The following IARS2 variants were observed in gnomAD, a reference collection of about 807,000 sequenced individuals.
The protein encoded by IARS2 is isoleucine--tRNA ligase, mitochondrial.
IARS2 carries 56 observed loss-of-function variants against 126.3 expected under a neutral mutation model. That is an observed-to-expected ratio of 0.44 (90% confidence interval 0.36 to 0.55). IARS2 has a LOEUF of 0.55. Among genes scored for constraint, IARS2 ranks in the 20% least tolerant of loss-of-function variants. IARS2 has a pLI of 0.00. For synonymous variants in IARS2, 407 were observed against 441.1 expected, an observed-to-expected ratio of 0.92 and a Z score of 0.97; for missense variants, 1,127 against 1,245.9, an observed-to-expected ratio of 0.90 and a Z score of 1.44.
chr1:220,138,110 A>T, intron 17 of IARS2, 67 bp downstream of exon 17: 1 of 1,528,026 alleles, frequency 6.5e-7, no homozygotes, highest in Non-Finnish European at 9.0e-7. Context: ...AAAAAATGAG[A>T]CACATTTTGT....
chr1:220,139,034 G>C lies in IARS2; in HGVS notation c.2202G>C (p.Leu734Phe). ...TTAGGAATACACTTCGCTTTCTTTT[G>C]GGAAATGTGGCTGATTTCAACCCAG... is the stretch of plus-strand genomic sequence containing the variant. ...SKLRNTLRFLLGNVADFNPET... is the reference protein window; with the variant it reads ...SKLRNTLRFLFGNVADFNPET... Residue 734 changes from leucine (L) to phenylalanine (F), a missense_variant, in exon 18 of 23, where the codon TTG becomes TTC. Transcript: ENST00000366922. The C allele has an allele frequency of 6.2e-7, 1 of 1,613,288 alleles. No homozygotes were observed. Among genetic ancestry groups the C allele is most frequent in the Non-Finnish European group, 8.5e-7 (1 of 1,179,598 alleles).
chr1:220,142,572 T>C (rs1279660857), intron 20 of IARS2, among the ~76,000 whole-genome samples: 3 of 152,184 alleles, frequency 2.0e-5, no homozygotes, highest in Non-Finnish European at 4.4e-5. Flanking sequence ...TTTATGTTAG[T>C]TGTTTTCTTC....
rs564921799 is a variant in IARS2 at position 220,100,402 on chromosome 1, T to C, written c.391-88T>C. On this transcript the variant is annotated intron_variant, in intron 2 of 22. Transcript: ENST00000366922. ...GTAGGCCAAATATTTTATGTATGAA[T>C]GCTAATTATCATTTTATCTTTGCAG... 184 of 1,113,674 alleles carry C rather than the reference T, an allele frequency of 1.7e-4. 4 individuals are homozygous for C. The South Asian group carries it at 3.0e-3, about 18-fold the overall frequency. The allele number at this position is 1,113,674 out of a possible 1,614,324, so 69.0% of individuals were successfully genotyped here.
chr1:220,127,239 A>T (rs1657172241), intron 14 of IARS2, among the ~76,000 whole-genome samples: 1 of 152,218 alleles, frequency 6.6e-6, no homozygotes, highest in Non-Finnish European at 1.5e-5. Flanking sequence ...AAATTAGGTG[A>T]TGGTCACATA....
intron 15 of IARS2, among the ~76,000 whole-genome samples, chr1:220,136,277 A>G (rs1171620516): frequency 6.6e-6 from 1 of 152,106 alleles, no homozygotes; most frequent in Non-Finnish European, 1.5e-5. Context: ...GACTACTGGC[A>G]CACACCACTA....
chr1:220,106,614 C>CCTTTT lies in IARS2; in HGVS notation c.1237-431_1237-427dup, dbSNP rs1173706457. Among the ~76,000 whole-genome samples, 225 of 150,544 alleles carry CCTTTT rather than the reference C, an allele frequency of 1.5e-3. 1 individual carries two copies. The highest frequency in any genetic ancestry group is 5.2e-3 in the African/African-American group (215 of 41,172). On this transcript the variant is annotated intron_variant, in intron 9 of 22. Transcript: ENST00000366922. The stretch of plus-strand genomic sequence containing the variant: ...GTATAAAATTCACAAATTCCTATTT[C>CCTTTT]CTTTTCTTTTCTTTTCTTTTTTTTT...
intron 1 of IARS2, among the ~76,000 whole-genome samples, chr1:220,094,838 C>T (rs979628967): frequency 6.6e-6 from 1 of 152,132 alleles, no homozygotes; most frequent in Non-Finnish European, 1.5e-5. Context: ...CACATGTCCA[C>T]ATGTAAATAA....
intron 14 of IARS2, among the ~76,000 whole-genome samples, chr1:220,131,170 T>C (rs1052122830): frequency 5.3e-5 from 8 of 151,966 alleles, no homozygotes; most frequent in Non-Finnish European, 8.8e-5. Context: ...TTGCATTGAA[T>C]CTTTATTTAT....
chr1:220,137,890 G>GT (rs1291483908), intron 16 of IARS2, 28 bp from the exon 17 acceptor site: 15 of 1,613,186 alleles, frequency 9.3e-6, no homozygotes, highest in Non-Finnish European at 1.3e-5. Context: ...AAGCCATTGT[G>GT]TTTATATATT....
chr1:220,145,534 G>C lies in IARS2; in HGVS notation c.2777G>C (p.Ser926Thr). Residue 926 changes from serine to threonine, a missense_variant, in exon 22 of 23, where the codon AGC (serine) becomes ACC (threonine). Transcript: ENST00000366922. ...IEMLQSEETSSTSQLNELMMA... is the reference protein window; with the variant it reads ...IEMLQSEETSTTSQLNELMMA... ...ATGCTGCAGTCTGAAGAGACTTCCA[G>C]CACCTCTCAGTTGAATGAATTAATG... The C allele has an allele frequency of 6.2e-7, 1 of 1,612,936 alleles. No homozygotes were observed. Among genetic ancestry groups the C allele is most frequent in the Non-Finnish European group, 8.5e-7 (1 of 1,179,256 alleles).
chr1:220,145,083 G>GAAA (rs111581991), intron 21 of IARS2, among the ~76,000 whole-genome samples: 1 of 124,396 alleles, frequency 8.0e-6, no homozygotes. Flanking sequence ...AATGATACAT[G>GAAA]AAAAAAAAAA....
intron 9 of IARS2, among the ~76,000 whole-genome samples, chr1:220,106,630 C>CTTTTTTTTTTT (rs200435156): frequency 7.2e-6 from 1 of 138,278 alleles, no homozygotes; most frequent in African/African-American, 2.6e-5. Context: ...CTTTTCTTTT[C>CTTTTTTTTTTT]TTTTTTTTTT....
chr1:220,096,842 C>T (rs1478323660), intron 2 of IARS2, among the ~76,000 whole-genome samples: 1 of 152,008 alleles, frequency 6.6e-6, no homozygotes, highest in African/African-American at 2.4e-5. Context: ...GTCAGGAGAT[C>T]GAGACCATCC....
At chr1:220,105,002 TA>T (rs1257464035) in intron 8 of IARS2, among the ~76,000 whole-genome samples, 1 of 152,202 alleles carries the variant, frequency 6.6e-6, no homozygotes, top group African/African-American at 2.4e-5. Flanking sequence ...TAAACAACCT[TA>T]ACAAAAATAA....
chr1:220,120,379 G>A (rs1467529503), intron 12 of IARS2, among the ~76,000 whole-genome samples: 1 of 146,806 alleles, frequency 6.8e-6, no homozygotes, highest in East Asian at 2.1e-4. Context: ...ACCGCGCCCG[G>A]CCTTTTTTTT....
chr1:220,125,096 G>T, intron 12 of IARS2, 141 bp from the exon 13 acceptor site: 3 of 489,722 alleles, frequency 6.1e-6, no homozygotes, highest in South Asian at 4.4e-5. Flanking sequence ...TATTTATATT[G>T]AATTTAAAAT....
intron 12 of IARS2, among the ~76,000 whole-genome samples, chr1:220,124,306 C>T (rs1257888110): frequency 3.9e-5 from 6 of 152,174 alleles, no homozygotes; most frequent in Admixed American, 1.3e-4. Context: ...CCTAAAGATA[C>T]GACCAGTTCT....
chr1:220,121,539 G>C (rs984957163), intron 12 of IARS2, among the ~76,000 whole-genome samples: 1 of 152,118 alleles, frequency 6.6e-6, no homozygotes, highest in Non-Finnish European at 1.5e-5. Context: ...TAGGTTACTT[G>C]AATGTAGTTA....
At chr1:220,133,074 A>C (rs1201805160) in intron 14 of IARS2, among the ~76,000 whole-genome samples, 2 of 150,630 alleles carry the variant, frequency 1.3e-5, no homozygotes, top group Non-Finnish European at 3.0e-5. Flanking sequence ...GCAGTGGCAC[A>C]ATCTCTGCCC....
Sources: gnomAD v4.1 joint callset for allele counts (sites outside exome capture counted in the v4.1 genomes callset) on GRCh38, gnomAD v4.1.1 for gene constraint, MANE v1.5 for transcripts, NCBI Gene and HGNC (gene_info 2026-07-23, HGNC 2026-07-21) for gene names.